XRN1: variants seen among roughly 807,000 people sequenced by gnomAD.
XRN1 encodes the protein strand-exchange protein 1 homolog.
Under a neutral mutation model 222.3 loss-of-function variants are expected in XRN1, and 67 were observed. That is an observed-to-expected ratio of 0.30 (90% CI 0.25 to 0.37). The LOEUF (loss-of-function observed/expected upper bound fraction) is 0.37. Among genes scored for constraint, XRN1 ranks in the 10% least tolerant of loss-of-function variants. The probability of loss-of-function intolerance (pLI) is 1.00; values close to 1 mark genes in which losing one functional copy is unlikely to be tolerated. For synonymous variants in XRN1, 643 were observed against 652.4 expected (o/e 0.99, Z 0.22); for missense variants, 1,707 against 2,000.2 (o/e 0.85, Z 2.80).
Position 142,318,888 on chromosome 3 carries a change from G to A in XRN1, c.4420C>T (p.Gln1474Ter). The A allele has an allele frequency of 6.2e-7, 1 of 1,613,350 alleles. No homozygotes were observed. The highest frequency in any genetic ancestry group is 2.2e-5 in the East Asian group (1 of 44,838). ...AGTAAGCCATTAGATAATTTTACTT[G>A]GCAAACGGTCATTGTCTAAAAAAAG... is the stretch of plus-strand genomic sequence containing the variant. ...LRMPQTMTVC[Q>*]VKLSNGLLVH... Residue 1474 changes from glutamine (Q) to a stop codon, truncating the protein, a stop_gained, in exon 38 of 41, where the codon CAA becomes TAA. Transcript: ENST00000392981. LOFTEE classifies it high-confidence loss of function.
chr3:142,382,766 T>TA (rs2067347770), intron 22 of XRN1, among the ~76,000 whole-genome samples: 1 of 152,160 alleles, frequency 6.6e-6, no homozygotes, highest in Non-Finnish European at 1.5e-5. Context: ...AACATATGCA[T>TA]ACGTGTATAT....
chr3:142,325,330 T>G (rs2065486524), intron 37 of XRN1, among the ~76,000 whole-genome samples: 1 of 152,174 alleles, frequency 6.6e-6, no homozygotes, highest in African/African-American at 2.4e-5. Flanking sequence ...TGTTGAGCAT[T>G]TTTTCATATA....
intron 25 of XRN1, among the ~76,000 whole-genome samples, chr3:142,374,348 T>A (rs536995117): frequency 6.6e-6 from 1 of 151,830 alleles, no homozygotes; most frequent in Non-Finnish European, 1.5e-5. Flanking sequence ...AAGAGAAAAA[T>A]GGAACTGAGC....
chr3:142,445,700 G>A (rs1037134959), intron 1 of XRN1, among the ~76,000 whole-genome samples: 4 of 151,742 alleles, frequency 2.6e-5, no homozygotes, highest in African/African-American at 4.8e-5. Flanking sequence ...TAACATTTCC[G>A]TAAGACTTTA....
At chr3:142,357,202 C>A in intron 30 of XRN1, 83 bp from the exon 31 acceptor site, 1 of 1,315,332 alleles carries the variant, frequency 7.6e-7, no homozygotes, top group Non-Finnish European at 1.1e-6. Context: ...TTTTGGTGGA[C>A]AATCCATCAT....
chr3:142,412,557 G>T lies in XRN1; in HGVS notation c.1700C>A (p.Pro567His), dbSNP rs2068626185. The T allele has an allele frequency of 6.2e-7, 1 of 1,603,246 alleles. No individual in the cohort carries two copies. Among genetic ancestry groups the T allele is most frequent in the Non-Finnish European group, 8.5e-7 (1 of 1,173,104 alleles). ...QQEWEAVVLI[P>H]FIDEKRLLEA... ...TCATGCACTGACCTCATCAATAAAA[G>T]GGATTAACACCACAGCTTCCCATTC... Residue 567 changes from proline to histidine, a missense_variant, in exon 15 of 41, where the codon CCT becomes CAT. Coordinates refer to ENST00000392981, the MANE Select transcript of XRN1 (RefSeq NM_001282857.2).
chr3:142,323,871 T>A (rs2065434618), intron 37 of XRN1, among the ~76,000 whole-genome samples: 2 of 152,218 alleles, frequency 1.3e-5, no homozygotes, highest in South Asian at 4.1e-4. Flanking sequence ...TTACTATTTT[T>A]TTTTTGTTTC....
chr3:142,408,169 AG>A (rs1315882907), intron 15 of XRN1, among the ~76,000 whole-genome samples: 1 of 152,198 alleles, frequency 6.6e-6, no homozygotes, highest in African/African-American at 2.4e-5. Context: ...CAACACCCAT[AG>A]GGGTAGCTGC....
intron 19 of XRN1, among the ~76,000 whole-genome samples, chr3:142,398,822 G>T (rs926381595): frequency 1.3e-5 from 2 of 151,950 alleles, no homozygotes; most frequent in Non-Finnish European, 2.9e-5. Flanking sequence ...AAAATAACTG[G>T]CTGTCCTAAA....
At chr3:142,424,619 T>C (rs1210815592) in intron 5 of XRN1, among the ~76,000 whole-genome samples, 1 of 152,148 alleles carries the variant, frequency 6.6e-6, no homozygotes, top group Non-Finnish European at 1.5e-5. Context: ...TGTGGTTATA[T>C]ATTTTTTCTT....
intron 33 of XRN1, among the ~76,000 whole-genome samples, chr3:142,338,747 C>T (rs1326696137): frequency 6.6e-6 from 1 of 152,078 alleles, no homozygotes; most frequent in Non-Finnish European, 1.5e-5. Context: ...GAGTCCCAGG[C>T]CAGGCAGCAT....
At chr3:142,322,193 C>T (rs1345427600) in intron 37 of XRN1, among the ~76,000 whole-genome samples, 1 of 152,112 alleles carries the variant, frequency 6.6e-6, no homozygotes, top group Non-Finnish European at 1.5e-5. Context: ...CAGGGAGGCA[C>T]TGAGATCAAA....
rs967549464 is a variant in XRN1, at chr3:142,331,134, C to T, written c.4222+1241G>A. Among the ~76,000 whole-genome samples the T allele has an allele frequency of 3.9e-5, 6 of 152,240 alleles. No individual in the cohort carries two copies. In the South Asian group the frequency reaches 1.2e-3, roughly 32 times the overall value. On this transcript the variant is annotated intron_variant, in intron 36 of 40. Transcript: ENST00000392981. ...TGCCCAGCCAATTCCAGGTTTTGAT[C>T]TTTAATACGCTTAGATCTGCTTATT...
At position 142,306,775 on chromosome 3, in the gene XRN1, G is replaced by A. The variant is rs375521630; in HGVS notation, c.*4736C>T. 1 of 152,370 alleles carries A rather than the reference G, an allele frequency of 6.6e-6. No individual in the cohort carries two copies. The highest frequency in any genetic ancestry group is 6.6e-5 in the Admixed American group (1 of 15,250). The allele number at this position is 152,370 out of a possible 1,614,324, so 9.4% of individuals were successfully genotyped here. ...AACGTAACACCACAAAAATACATTC[G>A]GAGTCCATTCCAATGCAAGTTTAAA... is the stretch of plus-strand genomic sequence containing the variant. On this transcript the variant is annotated 3_prime_UTR_variant, in exon 41 of 41. Transcript: ENST00000392981.
chr3:142,319,838 T>C (rs539386880), intron 37 of XRN1, among the ~76,000 whole-genome samples: 25 of 152,268 alleles, frequency 1.6e-4, no homozygotes, highest in African/African-American at 4.1e-4. Flanking sequence ...AGATACGTGA[T>C]TTCATTCTTT....
At position 142,421,514 on chromosome 3, in the gene XRN1, A is replaced by T. The variant is rs2069033164; in HGVS notation, c.997T>A (p.Leu333Ile). 6 of 1,610,374 alleles carry T rather than the reference A, an allele frequency of 3.7e-6. No homozygotes were observed. Among genetic ancestry groups the T allele is most frequent in the Non-Finnish European group, 5.1e-6 (6 of 1,178,546 alleles). Residue 333 changes from leucine to isoleucine, a missense_variant, in exon 9 of 41, where the codon TTA becomes ATA. This residue lies in a region of XRN1 where 1,234 missense variants were observed against 1,518.2 expected (regional missense o/e 0.81). Coordinates refer to ENST00000392981, the MANE Select transcript of XRN1 (RefSeq NM_001282857.2). The part of the protein sequence containing the change: ...GYINESGHLN[L>I]PRFEKYLVKL... The stretch of plus-strand genomic sequence containing the variant: ...ACAAGGTATTTCTCAAATCGAGGTA[A>T]GTTGAGGTGCCCACTTTCATTAATA...
In XRN1 at chr3:142,307,341, C is replaced by T. The variant is rs1404666150; in HGVS notation, c.*4170G>A. Reference sequence around the variant, plus strand: ...ATAGTATACCAACTGCTGAAACAACCAAGTGCAGTTGGTGTACGGCTGGAG... The same window carrying T: ...ATAGTATACCAACTGCTGAAACAACTAAGTGCAGTTGGTGTACGGCTGGAG... On this transcript the variant is annotated 3_prime_UTR_variant, in exon 41 of 41. Coordinates refer to ENST00000392981, the MANE Select transcript of XRN1 (RefSeq NM_001282857.2). 2 of 151,802 alleles carry T rather than the reference C, an allele frequency of 1.3e-5. No homozygotes were observed. Among genetic ancestry groups the T allele is most frequent in the Admixed American group, 1.3e-4 (2 of 15,246 alleles). The allele number at this position is 151,802 out of a possible 1,614,324, so 9.4% of individuals were successfully genotyped here.
Position 142,329,418 on chromosome 3 carries a change from C to A in XRN1, c.4404+16G>T. On this transcript the variant is annotated intron_variant, in intron 37 of 40. Coordinates refer to ENST00000392981, the MANE Select transcript of XRN1 (RefSeq NM_001282857.2). ...TGTTAAATAATTTATATAAATAGAA[C>A]AGTAGTATACTATACCTGTGGCATC... 2.1e-6 allele frequency: 3 copies of A among 1,440,950 alleles called. No homozygotes were observed. The highest frequency in any genetic ancestry group is 2.7e-6 in the Non-Finnish European group (3 of 1,092,380). The allele number at this position is 1,440,950 out of a possible 1,614,324, so 89.3% of individuals were successfully genotyped here. A position where few individuals can be genotyped will look rare whatever the true frequency, so the allele number is the denominator to read the frequency against.
intron 32 of XRN1, among the ~76,000 whole-genome samples, chr3:142,351,890 CATT>C (rs1210987850): frequency 6.8e-6 from 1 of 147,744 alleles, no homozygotes; most frequent in Non-Finnish European, 1.5e-5. Flanking sequence ...AGAAGAAGAA[CATT>C]TTTTTTTAAG....
Sources: allele counts gnomAD v4.1 joint callset (sites outside exome capture counted in the v4.1 genomes callset), GRCh38; gene constraint gnomAD v4.1.1; regional missense constraint gnomAD v4.1.1; transcripts MANE v1.5; gene names NCBI Gene and HGNC (gene_info 2026-07-23, HGNC 2026-07-21).